MEOX2: variants seen among roughly 807,000 people sequenced by gnomAD.
MEOX2 encodes mesenchyme homeobox 2, also known as homeobox protein MOX-2.
In MEOX2, 11 loss-of-function variants were observed where a neutral mutation model predicts 27.0. The ratio of observed to expected loss-of-function variants is 0.41; its 90% confidence interval spans 0.26 to 0.68. The LOEUF is 0.68. Among genes scored for constraint, MEOX2 ranks in the 30% least tolerant of loss-of-function variants. The pLI is 0.33. For missense variants in MEOX2, 436 were observed against 385.4 expected (o/e 1.13, Z -1.10); for synonymous variants, 189 against 155.4 (o/e 1.22, Z -1.61).
At chr7:15,680,012 G>A (rs906484786) in intron 1 of MEOX2, 3 of 151,672 alleles carry the variant, frequency 2.0e-5, no homozygotes, top group African/African-American at 7.3e-5. Flanking sequence ...TGTACACAAA[G>A]TAACATTATA....
At chr7:15,616,707 A>T (rs1781128966) in intron 2 of MEOX2, among the ~76,000 whole-genome samples, 3 of 152,022 alleles carry the variant, frequency 2.0e-5, no homozygotes, top group Admixed American at 2.0e-4. Flanking sequence ...AGCACATTTT[A>T]TATAATAAGA....
At chr7:15,661,718 G>A (rs1781922464) in intron 1 of MEOX2, among the ~76,000 whole-genome samples, 1 of 152,282 alleles carries the variant, frequency 6.6e-6, no homozygotes, top group East Asian at 1.9e-4. Flanking sequence ...AACGATTAGG[G>A]CAGTGCTATA....
intron 1 of MEOX2, among the ~76,000 whole-genome samples, chr7:15,632,969 G>A (rs1239390226): frequency 4.0e-5 from 6 of 151,868 alleles, no homozygotes; most frequent in Non-Finnish European, 2.9e-5. Context: ...GGGACTAAAG[G>A]CCCTAATTAA....
chr7:15,626,741 T>C lies in MEOX2; in HGVS notation c.690+5A>G. ...AGATCATATAATGATAATGCCCAGC[T>C]TTACCTGTCTTTCAGTGAGATCCAG... is the stretch of plus-strand genomic sequence containing the variant. On this transcript the variant is annotated splice_donor_5th_base_variant and intron_variant, in intron 2 of 2. Transcript: ENST00000262041. The C allele has an allele frequency of 1.2e-6, 2 of 1,603,540 alleles. No homozygotes were observed. Among genetic ancestry groups the C allele is most frequent in the Non-Finnish European group, 1.7e-6 (2 of 1,173,038 alleles).
At position 15,672,283 on chromosome 7, in the gene MEOX2, T is replaced by C. The variant is rs190122698; in HGVS notation, c.517+13603A>G. Among the ~76,000 whole-genome samples the C allele has an allele frequency of 2.0e-4, 31 of 152,330 alleles. No homozygotes were observed. In the East Asian group the frequency reaches 6.0e-3, roughly 29 times the overall value. On this transcript the variant is annotated intron_variant, in intron 1 of 2. Transcript: ENST00000262041. ...ATTTAATGTTTTGTCTCTATTAGAC[T>C]GGCATATTAAATACTATGTTTCTTG...
chr7:15,623,279 T>C (rs1036028054), intron 2 of MEOX2, among the ~76,000 whole-genome samples: 1 of 152,214 alleles, frequency 6.6e-6, no homozygotes, highest in African/African-American at 2.4e-5. Flanking sequence ...AGTTGACAAC[T>C]GACATCATAG....
chr7:15,635,827 G>A (rs920489419), intron 1 of MEOX2, among the ~76,000 whole-genome samples: 10 of 152,034 alleles, frequency 6.6e-5, no homozygotes, highest in African/African-American at 1.7e-4. Context: ...ATGTACAAAC[G>A]AAGCTGAAAG....
chr7:15,612,418 C>T lies in MEOX2; in HGVS notation c.884G>A (p.Ser295Asn). Residue 295 changes from serine to asparagine, a missense_variant, in exon 3 of 3, where the codon AGT (serine) becomes AAT (asparagine). Ser to Asn is a conservative substitution (Grantham distance 46). Coordinates refer to ENST00000262041, the MANE Select transcript of MEOX2 (RefSeq NM_005924.5). The stretch of plus-strand genomic sequence containing the variant: ...GTGCGCATGCTCTGAGCTGTGGTCA[C>T]TGTCGTGACTGTCTTCATTTGCTAT... ...DSIANEDSHD[S>N]DHSSEHAHL The T allele has an allele frequency of 6.2e-7, 1 of 1,614,144 alleles. No homozygotes were observed. The highest frequency in any genetic ancestry group is 8.5e-7 in the Non-Finnish European group (1 of 1,180,006).
chr7:15,681,815 C>T (rs1057197928), intron 1 of MEOX2: 2 of 151,608 alleles, frequency 1.3e-5, no homozygotes, highest in African/African-American at 4.8e-5. Context: ...GATTTCTAAG[C>T]CCGGTGAAAG....
rs138306738 is a variant in MEOX2 at position 15,658,350 on chromosome 7, G to A, written c.517+27536C>T. On this transcript the variant is annotated intron_variant, in intron 1 of 2. Coordinates refer to ENST00000262041, the MANE Select transcript of MEOX2 (RefSeq NM_005924.5). ...AGTGTGGATGCAGAAGCAGCCATGG[G>A]ATTTTTTCCTACGGTGTTTGACTGG... is the stretch of plus-strand genomic sequence containing the variant. Among the ~76,000 whole-genome samples the A allele has an allele frequency of 1.2e-4, 18 of 152,270 alleles. No homozygotes were observed. The East Asian group carries it at 3.5e-3, about 29-fold the overall frequency.
chr7:15,668,348 T>C (rs1416003440), intron 1 of MEOX2: 2 of 152,260 alleles, frequency 1.3e-5, no homozygotes, highest in Non-Finnish European at 2.9e-5. Context: ...TTCTTTTCTC[T>C]GGCTTTACTT....
At chr7:15,669,437 G>A (rs1583785348) in intron 1 of MEOX2, among the ~76,000 whole-genome samples, 3 of 152,252 alleles carry the variant, frequency 2.0e-5, no homozygotes, top group East Asian at 1.9e-4. Context: ...AAATTCTAAC[G>A]TGAATATGTC....
chr7:15,679,365 A>T (rs1473115666), intron 1 of MEOX2: 2 of 152,158 alleles, frequency 1.3e-5, no homozygotes, highest in East Asian at 3.8e-4. Context: ...ACAAAAAACT[A>T]TGAAAGTAAG....
chr7:15,638,682 G>C (rs1261968760), intron 1 of MEOX2, among the ~76,000 whole-genome samples: 2 of 151,722 alleles, frequency 1.3e-5, no homozygotes, highest in Non-Finnish European at 2.9e-5. Context: ...TTCCATCTTT[G>C]TGTCCATGTG....
At chr7:15,663,994 GAGAA>G (rs1465790526) in intron 1 of MEOX2, among the ~76,000 whole-genome samples, 2 of 152,166 alleles carry the variant, frequency 1.3e-5, no homozygotes, top group Non-Finnish European at 1.5e-5. Context: ...CAAATCTTGA[GAGAA>G]AGAAAATTTT....
chr7:15,636,547 C>T (rs987495395), intron 1 of MEOX2, among the ~76,000 whole-genome samples: 7 of 151,900 alleles, frequency 4.6e-5, no homozygotes, highest in African/African-American at 9.7e-5. Context: ...CTCAGGCTGA[C>T]GAATCTGCAT....
intron 1 of MEOX2, among the ~76,000 whole-genome samples, chr7:15,664,966 G>T (rs1165809046): frequency 2.0e-5 from 3 of 151,380 alleles, no homozygotes; most frequent in African/African-American, 7.3e-5. Flanking sequence ...TGTTTCAAAG[G>T]ACTTAATAGT....
intron 1 of MEOX2, among the ~76,000 whole-genome samples, chr7:15,647,915 T>C (rs183393702): frequency 6.6e-5 from 10 of 152,166 alleles, no homozygotes; most frequent in Admixed American, 2.0e-4. Flanking sequence ...AACTTCTCAA[T>C]TTACAGACCA....
chr7:15,653,556 C>G (rs1781773363), intron 1 of MEOX2, among the ~76,000 whole-genome samples: 1 of 151,922 alleles, frequency 6.6e-6, no homozygotes, highest in African/African-American at 2.4e-5. Flanking sequence ...CTTCACCAAG[C>G]TCTATGGATT....
Sources: gnomAD v4.1 joint callset for allele counts (sites outside exome capture counted in the v4.1 genomes callset) on GRCh38, gnomAD v4.1.1 for gene constraint, MANE v1.5 for transcripts, NCBI Gene and HGNC (gene_info 2026-07-23, HGNC 2026-07-21) for gene names.